STK32B: variants seen among roughly 807,000 people sequenced by gnomAD.
STK32B encodes the protein serine/threonine-protein kinase 32B.
A neutral mutation model predicts 52.6 loss-of-function variants in STK32B; 43 were observed. That is an observed-to-expected ratio of 0.82 (90% confidence interval 0.64 to 1.05). The LOEUF is 1.05. Ranked by LOEUF, STK32B falls within the 50% of genes least tolerant of loss-of-function variation. The probability of loss-of-function intolerance (pLI) is 0.00; values close to 1 mark genes in which losing one functional copy is unlikely to be tolerated. For missense variants in STK32B, 621 were observed against 534.6 expected (o/e 1.16, Z -1.59); for synonymous variants, 238 against 204.3 (o/e 1.17, Z -1.41).
chr4:5,177,933 C>T (rs1720052969), intron 3 of STK32B, among the ~76,000 whole-genome samples: 1 of 152,204 alleles, frequency 6.6e-6, no homozygotes, highest in South Asian at 2.1e-4. Context: ...CACAGGCTGG[C>T]ACTGAGTATC....
chr4:5,118,669 AGTTGTCCT>A (rs1161369127), intron 1 of STK32B, among the ~76,000 whole-genome samples: 6 of 152,170 alleles, frequency 3.9e-5, no homozygotes, highest in African/African-American at 1.4e-4. Context: ...TGCCACTCAC[AGTTGTCCT>A]ACTTATTTGC....
chr4:5,411,863 C>T (rs1043060526), intron 5 of STK32B, among the ~76,000 whole-genome samples: 32 of 152,082 alleles, frequency 2.1e-4, no homozygotes, highest in African/African-American at 7.2e-4. Flanking sequence ...TTTGTTGTAG[C>T]AGCCCAAACT....
chr4:5,466,679 G>A (rs982470062), intron 9 of STK32B, 24 bp from the exon 10 acceptor site: 2 of 1,599,980 alleles, frequency 1.3e-6, no homozygotes, highest in African/African-American at 2.7e-5. Flanking sequence ...GACAGACCAT[G>A]TTTTCTTTTC....
At chr4:5,437,286 A>C (rs1329346195) in intron 6 of STK32B, among the ~76,000 whole-genome samples, 1 of 152,208 alleles carries the variant, frequency 6.6e-6, no homozygotes, top group Non-Finnish European at 1.5e-5. Context: ...TCATTTTCCC[A>C]CAGTTGTGGA....
Position 5,427,913 on chromosome 4 carries a change from C to T in STK32B, c.562+10979C>T, listed in dbSNP as rs1333849911. Among the ~76,000 whole-genome samples the T allele has an allele frequency of 2.0e-5, 3 of 151,128 alleles. No individual in the cohort carries two copies. The East Asian group carries it at 5.8e-4, about 29-fold the overall frequency. ...TTTATTTTAATTTCTTCTCTCTTAT[C>T]TCTTATGCCCTCCTTCTCTCTGCTT... On this transcript the variant is annotated intron_variant, in intron 6 of 11. Transcript: ENST00000282908.
At chr4:5,322,131 C>G (rs936573039) in intron 3 of STK32B, among the ~76,000 whole-genome samples, 2 of 151,820 alleles carry the variant, frequency 1.3e-5, no homozygotes, top group Non-Finnish European at 2.9e-5. Context: ...GACAGGAGTT[C>G]AAGACCAGCC....
At chr4:5,269,526 A>G (rs1727283494) in intron 3 of STK32B, among the ~76,000 whole-genome samples, 1 of 152,224 alleles carries the variant, frequency 6.6e-6, no homozygotes, top group Non-Finnish European at 1.5e-5. Context: ...ATTGTGAGGT[A>G]ATACAGCAAT....
rs753875188 is a variant in STK32B, at chr4:5,416,845, G to A, written c.473G>A (p.Gly158Glu). 1.1e-5 allele frequency: 17 copies of A among 1,613,358 alleles called. No individual in the cohort carries two copies. Among genetic ancestry groups the A allele is most frequent in the African/African-American group, 1.3e-5 (1 of 75,024 alleles). Reference sequence around the variant, plus strand: ...GGAGTTTCTGTTTCTGTATTTGCAGGACATGTTCACATTACAGACTTCAAC... The same window carrying A: ...GGAGTTTCTGTTTCTGTATTTGCAGAACATGTTCACATTACAGACTTCAAC... ...KPDNILLDEH[G>E]HVHITDFNIA... is the part of the protein sequence containing the mutation. Residue 158 changes from glycine (G) to glutamate (E), a missense_variant and splice_region_variant, in exon 6 of 12, where the codon GGA becomes GAA. Physicochemically the swap from Gly to Glu is moderately conservative, Grantham distance 98. Coordinates refer to ENST00000282908, the MANE Select transcript of STK32B (RefSeq NM_018401.3).
chr4:5,250,740 T>G (rs1224765580), intron 3 of STK32B, among the ~76,000 whole-genome samples: 1 of 152,252 alleles, frequency 6.6e-6, no homozygotes, highest in African/African-American at 2.4e-5. Context: ...TTTTTTGACT[T>G]TTTAATAATA....
rs74916880 is a variant in STK32B at position 5,188,371 on chromosome 4, T to C, written c.260+19921T>C. 2.1e-3 allele frequency among the ~76,000 whole-genome samples: 326 copies of C among 152,280 alleles called. 6 individuals carry two copies. In the East Asian group the frequency reaches 0.051, roughly 24 times the overall value. ...AGCTTAATTAAATTGGAAACTGTGG[T>C]GCCCTTGATCCTCAAGTGTTTGAAA... is the stretch of plus-strand genomic sequence containing the variant. On this transcript the variant is annotated intron_variant, in intron 3 of 11. Transcript: ENST00000282908.
intron 3 of STK32B, among the ~76,000 whole-genome samples, chr4:5,300,591 A>G (rs1322493238): frequency 6.6e-6 from 1 of 152,198 alleles, no homozygotes; most frequent in Non-Finnish European, 1.5e-5. Flanking sequence ...ATGTTTCAGG[A>G]TACAAAATAA....
At chr4:5,160,799 C>T (rs1019658244) in intron 2 of STK32B, among the ~76,000 whole-genome samples, 1 of 152,146 alleles carries the variant, frequency 6.6e-6, no homozygotes, top group Non-Finnish European at 1.5e-5. Flanking sequence ...GGAAGCATGT[C>T]CTGTGATGGG....
At chr4:5,278,375 G>A (rs1727974928) in intron 3 of STK32B, among the ~76,000 whole-genome samples, 1 of 152,212 alleles carries the variant, frequency 6.6e-6, no homozygotes, top group African/African-American at 2.4e-5. Flanking sequence ...TATGTTGGGA[G>A]TTGGGGTTCA....
At chr4:5,367,354 G>A (rs1734942650) in intron 4 of STK32B, among the ~76,000 whole-genome samples, 1 of 152,144 alleles carries the variant, frequency 6.6e-6, no homozygotes, top group South Asian at 2.1e-4. Context: ...GAGCAAAAGG[G>A]TGAACGTGAC....
chr4:5,359,901 TGAGA>T (rs1734435604), intron 4 of STK32B, among the ~76,000 whole-genome samples: 1 of 152,166 alleles, frequency 6.6e-6, no homozygotes, highest in Non-Finnish European at 1.5e-5. Flanking sequence ...GCTTTTACTC[TGAGA>T]GAGTGGAAAG....
chr4:5,197,530 T>G (rs1302937572), intron 3 of STK32B, among the ~76,000 whole-genome samples: 1 of 152,210 alleles, frequency 6.6e-6, no homozygotes, highest in Admixed American at 6.5e-5. Context: ...TTTTCATTTA[T>G]TTGCTTAGTT....
chr4:5,377,057 C>G (rs1469364406), intron 4 of STK32B, among the ~76,000 whole-genome samples: 3 of 152,206 alleles, frequency 2.0e-5, no homozygotes, highest in Non-Finnish European at 4.4e-5. Context: ...CCCACAGCCA[C>G]CAGAGCTTCC....
intron 1 of STK32B, among the ~76,000 whole-genome samples, chr4:5,133,347 G>T (rs1314224506): frequency 6.6e-6 from 1 of 152,186 alleles, no homozygotes; most frequent in African/African-American, 2.4e-5. Flanking sequence ...ATAGATGCCT[G>T]CCACAGCTTG....
chr4:5,310,837 C>T (rs920403678), intron 3 of STK32B, among the ~76,000 whole-genome samples: 1 of 152,130 alleles, frequency 6.6e-6, no homozygotes, highest in African/African-American at 2.4e-5. Flanking sequence ...GGTATATGTA[C>T]ATGATAGAGT....
Sources: allele counts gnomAD v4.1 joint callset (sites outside exome capture counted in the v4.1 genomes callset), GRCh38; gene constraint gnomAD v4.1.1; transcripts MANE v1.5; gene names NCBI Gene and HGNC (gene_info 2026-07-23, HGNC 2026-07-21).